The following FAM24B variants were observed in gnomAD, a reference collection of about 807,000 sequenced individuals.
FAM24B encodes the protein protein FAM24B.
FAM24B carries 3 observed loss-of-function variants against 2.3 expected under a neutral mutation model. That is an observed-to-expected ratio of 1.29 (90% CI 0.59 to 3.32). The LOEUF (loss-of-function observed/expected upper bound fraction) is 3.32. Among genes scored for constraint, FAM24B ranks in the 30% most tolerant of loss-of-function variants. The pLI, the probability that FAM24B is intolerant of heterozygous loss-of-function variation, is 0.03. For missense variants in FAM24B, 98 were observed against 117.2 expected, an observed-to-expected ratio of 0.84 and a Z score of 0.76; for synonymous variants, 36 against 46.3, an observed-to-expected ratio of 0.78 and a Z score of 0.90.
chr10:122,872,816 T>G (rs959569456), intron 1 of FAM24B, among the ~76,000 whole-genome samples: 2 of 152,140 alleles, frequency 1.3e-5, no homozygotes, highest in Non-Finnish European at 2.9e-5. Flanking sequence ...CGGATAGCAT[T>G]AGGAGATATA....
Position 122,849,346 on chromosome 10 carries a change from C to T in FAM24B, c.186G>A (p.Thr62=), listed in dbSNP as rs147427263. The change falls in exon 4 of 4, where the codon ACG becomes ACA. Residue 62 remains threonine (T), a synonymous_variant. Transcript: ENST00000368898. ...AKNSQAKTIA[T]ESCPALQCCE... ...AGCACTGCAGGGCAGGACAAGACTC[C>T]GTGGCAATGGTTTTGGCCTGGCTGT... is the stretch of plus-strand genomic sequence containing the variant. The T allele has an allele frequency of 9.4e-5, 151 of 1,613,574 alleles. No individual in the cohort carries two copies. Among genetic ancestry groups the T allele is most frequent in the African/African-American group, 7.7e-4 (58 of 75,020 alleles).
At chr10:122,861,738 T>C (rs1056655848) in intron 1 of FAM24B, among the ~76,000 whole-genome samples, 1 of 152,240 alleles carries the variant, frequency 6.6e-6, no homozygotes, top group African/African-American at 2.4e-5. Context: ...AAATTCCAAT[T>C]GTTCATTGCT....
chr10:122,868,126 C>A (rs1034775145), intron 1 of FAM24B, among the ~76,000 whole-genome samples: 1 of 152,054 alleles, frequency 6.6e-6, no homozygotes, highest in African/African-American at 2.4e-5. Flanking sequence ...AACCATGGCA[C>A]GAGAACTACG....
intron 1 of FAM24B, among the ~76,000 whole-genome samples, chr10:122,857,647 G>A (rs980339017): frequency 6.6e-6 from 1 of 152,060 alleles, no homozygotes; most frequent in African/African-American, 2.4e-5. Context: ...TGTATTTATG[G>A]TACTTATGTA....
At chr10:122,863,788 G>T (rs1847760981) in intron 1 of FAM24B, among the ~76,000 whole-genome samples, 1 of 152,136 alleles carries the variant, frequency 6.6e-6, no homozygotes, top group Non-Finnish European at 1.5e-5. Context: ...CCATTTTCAG[G>T]CTGGCCCCCT....
At chr10:122,864,077 C>T (rs912686200) in intron 1 of FAM24B, among the ~76,000 whole-genome samples, 2 of 152,056 alleles carry the variant, frequency 1.3e-5, no homozygotes, top group Non-Finnish European at 2.9e-5. Context: ...ACATGAAAAA[C>T]ATGTGTTGTT....
chr10:122,870,206 G>A (rs577890475), intron 1 of FAM24B, among the ~76,000 whole-genome samples: 8 of 152,058 alleles, frequency 5.3e-5, no homozygotes, highest in Non-Finnish European at 8.8e-5. Flanking sequence ...AAAATTCCTC[G>A]ACACATACAC....
intron 1 of FAM24B, among the ~76,000 whole-genome samples, chr10:122,861,679 G>A (rs760965542): frequency 6.6e-6 from 1 of 152,088 alleles, no homozygotes; most frequent in African/African-American, 2.4e-5. Flanking sequence ...ATACCTAAAT[G>A]CTTCTTTAAC....
chr10:122,866,695 C>T (rs1298884112), intron 1 of FAM24B, among the ~76,000 whole-genome samples: 1 of 152,006 alleles, frequency 6.6e-6, no homozygotes, highest in East Asian at 1.9e-4. Context: ...TGAATCATGA[C>T]CCTATAACAT....
chr10:122,855,788 T>G lies in FAM24B; in HGVS notation c.-177-2A>C, dbSNP rs998822308. On this transcript the variant is annotated splice_acceptor_variant, in intron 1 of 3. Transcript: ENST00000368898. LOFTEE classifies it low-confidence loss of function (5UTR_SPLICE). Reference sequence around the variant, plus strand: ...CCCATCTCACCACTTCTAAGGCAACTGGAGAGGGGAAAAGAGAACAGCTCA... The same window carrying G: ...CCCATCTCACCACTTCTAAGGCAACGGGAGAGGGGAAAAGAGAACAGCTCA... The G allele has an allele frequency of 6.6e-6, 1 of 152,140 alleles. No homozygotes were observed. The highest frequency in any genetic ancestry group is 1.5e-5 in the Non-Finnish European group (1 of 68,022). 9.4% of individuals were successfully genotyped at this position (152,140 alleles called of 1,614,324 possible).
rs1325178970 is a variant in FAM24B at position 122,849,120 on chromosome 10, A to G, written c.*127T>C. The G allele has an allele frequency of 6.3e-6, 4 of 633,302 alleles. No homozygotes were observed. The highest frequency in any genetic ancestry group is 9.7e-6 in the Non-Finnish European group (4 of 412,974). The allele number at this position is 633,302 out of a possible 1,614,324, so 39.2% of individuals were successfully genotyped here. ...TATTTTTAATAGTGTACATTTATTC[A>G]AAAGTATATAAAACAACACTGTAAA... On this transcript the variant is annotated 3_prime_UTR_variant, in exon 4 of 4. Coordinates refer to ENST00000368898, the MANE Select transcript of FAM24B (RefSeq NM_152644.3).
At chr10:122,862,238 CTTATCACCTTGTTTAA>C (rs1417963720) in intron 1 of FAM24B, among the ~76,000 whole-genome samples, 1 of 152,206 alleles carries the variant, frequency 6.6e-6, no homozygotes. Context: ...CACCCTCTAT[CTTATCACCTTGTTTAA>C]TTAGATTCTA....
At chr10:122,879,201 C>G (rs1848034323) in intron 1 of FAM24B, among the ~76,000 whole-genome samples, 1 of 152,240 alleles carries the variant, frequency 6.6e-6, no homozygotes, top group South Asian at 2.1e-4. Flanking sequence ...CAGGGAGCAT[C>G]AAATGAGATG....
intron 1 of FAM24B, among the ~76,000 whole-genome samples, chr10:122,878,349 A>G (rs1848013125): frequency 6.6e-6 from 1 of 152,170 alleles, no homozygotes; most frequent in South Asian, 2.1e-4. Flanking sequence ...CCTGGCCAAC[A>G]TGGCAAAACC....
chr10:122,873,154 G>A (rs1348403520), intron 1 of FAM24B, among the ~76,000 whole-genome samples: 1 of 152,064 alleles, frequency 6.6e-6, no homozygotes, highest in African/African-American at 2.4e-5. Context: ...ACTTCTATAG[G>A]ACAAAGATGC....
chr10:122,875,031 A>AT (rs1456299612), intron 1 of FAM24B, among the ~76,000 whole-genome samples: 2 of 152,044 alleles, frequency 1.3e-5, no homozygotes, highest in African/African-American at 4.8e-5. Flanking sequence ...TTTCTCACAT[A>AT]TTTCTTCTAC....
chr10:122,850,629 G>C (rs907810357), intron 2 of FAM24B, 79 bp from the exon 3 acceptor site: 1 of 758,144 alleles, frequency 1.3e-6, no homozygotes, highest in Non-Finnish European at 2.4e-6. Context: ...GCCAATGTCA[G>C]GGGAGGAAGA....
At chr10:122,869,830 G>C (rs1274761042) in intron 1 of FAM24B, among the ~76,000 whole-genome samples, 4 of 151,974 alleles carry the variant, frequency 2.6e-5, no homozygotes, top group Non-Finnish European at 5.9e-5. Flanking sequence ...CAAGAGAAAG[G>C]AGGGAAGATC....
chr10:122,879,609 G>C (rs1021581144), upstream of FAM24B: 1 of 153,010 alleles, frequency 6.5e-6, no homozygotes, highest in African/African-American at 2.4e-5. Context: ...GGTCTCCAAA[G>C]GCTGAGCGAG....
Sources: gnomAD v4.1 joint callset for allele counts (sites outside exome capture counted in the v4.1 genomes callset) on GRCh38, gnomAD v4.1.1 for gene constraint, MANE v1.5 for transcripts, NCBI Gene and HGNC (gene_info 2026-07-23, HGNC 2026-07-21) for gene names.